The following DIAPH3 variants were observed in gnomAD, a reference collection of about 807,000 sequenced individuals.
DIAPH3 encodes the protein protein diaphanous homolog 3.
Under a neutral mutation model 144.3 loss-of-function variants are expected in DIAPH3, and 117 were observed. The observed-to-expected ratio is 0.81, with a 90% CI of 0.70 to 0.95. The LOEUF (loss-of-function observed/expected upper bound fraction) is 0.95, where lower values mean the gene tolerates loss of function less well. Ranked by LOEUF, DIAPH3 falls within the 40% of genes least tolerant of loss-of-function variation. The probability of loss-of-function intolerance (pLI) is 0.00; values close to 1 mark genes in which losing one functional copy is unlikely to be tolerated. For synonymous variants in DIAPH3, 519 were observed against 488.9 expected, an observed-to-expected ratio of 1.06 and a Z score of -0.81; for missense variants, 1,421 against 1,412.7, an observed-to-expected ratio of 1.01 and a Z score of -0.09.
chr13:59,828,445 A>G (rs1008354879), intron 24 of DIAPH3, among the ~76,000 whole-genome samples: 6 of 151,872 alleles, frequency 4.0e-5, no homozygotes, highest in African/African-American at 1.5e-4. Context: ...AAACACTCTT[A>G]AAAATTACAA....
At chr13:59,873,677 C>CTTT (rs57461813) in intron 21 of DIAPH3, among the ~76,000 whole-genome samples, 1 of 128,914 alleles carries the variant, frequency 7.8e-6, no homozygotes, top group South Asian at 2.5e-4. Context: ...ACCACTTTTT[C>CTTT]TTTTTTTTTT....
At chr13:59,736,609 C>T (rs1019881800) in intron 27 of DIAPH3, among the ~76,000 whole-genome samples, 13 of 152,146 alleles carry the variant, frequency 8.5e-5, no homozygotes, top group African/African-American at 3.1e-4. Context: ...AGATTCAATG[C>T]TATTCCCATT....
At position 59,749,444 on chromosome 13, in the gene DIAPH3, C is replaced by A. The variant is rs561824950; in HGVS notation, c.3319+24745G>T. 3.6e-4 allele frequency among the ~76,000 whole-genome samples: 48 copies of A among 134,470 alleles called. No homozygotes were observed. The South Asian group carries it at 0.011, about 32-fold the overall frequency. 88.2% of individuals were successfully genotyped at this position (134,470 alleles called of 152,430 possible). ...CTGAGGCAGGAGAATGGCCTGAACC[C>A]GGGAGGTGGAGCTTGCAGTGAGCCG... On this transcript the variant is annotated intron_variant, in intron 27 of 27. Transcript: ENST00000400324.
intron 17 of DIAPH3, among the ~76,000 whole-genome samples, chr13:59,925,927 T>C (rs1483541268): frequency 6.6e-6 from 1 of 152,208 alleles, no homozygotes; most frequent in Non-Finnish European, 1.5e-5. Context: ...TTTCTTCTAA[T>C]GGTTTATCAA....
At chr13:59,675,606 G>C (rs1372629999) in intron 27 of DIAPH3, among the ~76,000 whole-genome samples, 1 of 152,206 alleles carries the variant, frequency 6.6e-6, no homozygotes, top group Middle Eastern at 3.4e-3. Flanking sequence ...GGATGGTCTC[G>C]ATCTCCTGAG....
chr13:60,088,260 T>C (rs1450223892), intron 4 of DIAPH3, among the ~76,000 whole-genome samples: 1 of 152,090 alleles, frequency 6.6e-6, no homozygotes, highest in Non-Finnish European at 1.5e-5. Flanking sequence ...ATAAACACAC[T>C]GCACTACATA....
chr13:60,018,338 AAG>A (rs2053795213), intron 5 of DIAPH3, among the ~76,000 whole-genome samples: 1 of 152,200 alleles, frequency 6.6e-6, no homozygotes, highest in East Asian at 1.9e-4. Context: ...ATATAACAAA[AAG>A]ACTTTGTTAC....
intron 5 of DIAPH3, among the ~76,000 whole-genome samples, chr13:60,028,713 T>G (rs1594407795): frequency 6.6e-6 from 1 of 152,152 alleles, no homozygotes; most frequent in East Asian, 1.9e-4. Flanking sequence ...GGGGTTTGCT[T>G]GATGTCTCAA....
At chr13:60,124,780 T>C (rs924104800) in intron 2 of DIAPH3, among the ~76,000 whole-genome samples, 6 of 151,804 alleles carry the variant, frequency 4.0e-5, no homozygotes, top group African/African-American at 1.5e-4. Flanking sequence ...AGGTTGGGGC[T>C]ACAGTGAGCT....
chr13:60,041,554 C>T (rs1035434562), intron 5 of DIAPH3, among the ~76,000 whole-genome samples: 5 of 152,090 alleles, frequency 3.3e-5, no homozygotes, highest in Admixed American at 1.3e-4. Flanking sequence ...AATACATGTA[C>T]GGTCAAAGAT....
At chr13:59,979,969 A>G (rs938805260) in intron 14 of DIAPH3, among the ~76,000 whole-genome samples, 2 of 151,686 alleles carry the variant, frequency 1.3e-5, no homozygotes, top group Admixed American at 1.3e-4. Flanking sequence ...TAAGCCAGAG[A>G]TAAAAGGACA....
rs146322964 is a variant in DIAPH3, at chr13:60,090,435, T to C, written c.495+3193A>G. The stretch of plus-strand genomic sequence containing the variant: ...AGGCCTACTTTGAGGGTTAATACTT[T>C]GAGGGTTAAGTATTTTCAAACCATG... On this transcript the variant is annotated intron_variant, in intron 4 of 27. Coordinates refer to ENST00000400324, the MANE Select transcript of DIAPH3 (RefSeq NM_001042517.2). Among the ~76,000 whole-genome samples the C allele has an allele frequency of 5.8e-3, 890 of 152,246 alleles. 1 individual carries two copies. Among genetic ancestry groups the C allele is most frequent in the Middle Eastern group, 0.024 (7 of 294 alleles).
At chr13:59,910,255 GA>G (rs1309435994) in intron 20 of DIAPH3, among the ~76,000 whole-genome samples, 2 of 150,686 alleles carry the variant, frequency 1.3e-5, no homozygotes, top group African/African-American at 4.9e-5. Context: ...TCTTATGGAA[GA>G]CATGGCAAAT....
chr13:59,944,970 T>A (rs772504470), intron 17 of DIAPH3, among the ~76,000 whole-genome samples: 1 of 152,036 alleles, frequency 6.6e-6, no homozygotes, highest in Non-Finnish European at 1.5e-5. Flanking sequence ...ATCATCAACA[T>A]CTACATAACT....
chr13:59,820,922 G>A (rs994127761), intron 24 of DIAPH3, among the ~76,000 whole-genome samples: 1 of 151,098 alleles, frequency 6.6e-6, no homozygotes, highest in South Asian at 2.1e-4. Flanking sequence ...AAACAGATTC[G>A]CCCACCCAAC....
chr13:59,682,989 T>C (rs2138643604), intron 27 of DIAPH3, among the ~76,000 whole-genome samples: 1 of 152,330 alleles, frequency 6.6e-6, no homozygotes, highest in Non-Finnish European at 1.5e-5. Flanking sequence ...AGATTCTACA[T>C]TCAAGAGGAC....
intron 27 of DIAPH3, among the ~76,000 whole-genome samples, chr13:59,724,512 T>C (rs2035511122): frequency 6.6e-6 from 1 of 152,204 alleles, no homozygotes; most frequent in Admixed American, 6.5e-5. Flanking sequence ...TAAATTCAAG[T>C]ATGAATTTGC....
At chr13:60,059,494 C>T (rs939935236) in intron 4 of DIAPH3, among the ~76,000 whole-genome samples, 2 of 151,932 alleles carry the variant, frequency 1.3e-5, no homozygotes, top group African/African-American at 4.8e-5. Context: ...TTTAAACATA[C>T]CACTTAAAAT....
chr13:60,140,087 C>G (rs1408898026), intron 1 of DIAPH3, among the ~76,000 whole-genome samples: 1 of 152,162 alleles, frequency 6.6e-6, no homozygotes, highest in Non-Finnish European at 1.5e-5. Context: ...TGAAGCTTAT[C>G]GCAACTACTA....
Sources: allele counts gnomAD v4.1 joint callset (sites outside exome capture counted in the v4.1 genomes callset), GRCh38; gene constraint gnomAD v4.1.1; transcripts MANE v1.5; gene names NCBI Gene and HGNC (gene_info 2026-07-23, HGNC 2026-07-21).